Variants in PER2 observed in about 807,000 individuals in gnomAD.
PER2 encodes the protein period circadian protein homolog 2.
PER2 carries 66 observed loss-of-function variants against 121.0 expected under a neutral mutation model. That is an observed-to-expected ratio of 0.55 (90% CI 0.45 to 0.67). The LOEUF (loss-of-function observed/expected upper bound fraction) is 0.67. PER2 is among the 30% of genes least tolerant of loss of function. PER2 has a pLI of 0.00. For missense variants in PER2, 1,521 were observed against 1,635.0 expected, an observed-to-expected ratio of 0.93 and a Z score of 1.20; for synonymous variants, 684 against 659.9, an observed-to-expected ratio of 1.04 and a Z score of -0.56.
intron 14 of PER2, among the ~76,000 whole-genome samples, chr2:238,259,069 G>A (rs2106374311): frequency 6.6e-6 from 1 of 152,316 alleles, no homozygotes; most frequent in Admixed American, 6.5e-5. Context: ...TCACTGTGCT[G>A]CAGATTCGAC....
At chr2:238,293,199 A>G (rs1206195875), upstream of PER2, among the ~76,000 whole-genome samples, 1 of 152,114 alleles carries the variant, frequency 6.6e-6, no homozygotes, top group Non-Finnish European at 1.5e-5. Flanking sequence ...GCTATACAAT[A>G]CTCTGTATAG....
chr2:238,245,450 A>G lies in PER2; in HGVS notation c.*925T>C. ...GTGGCAGTGGCTGCTCTCGGCCAGG[A>G]GATGTGATGTGGGCTTGGCTGGGTG... On this transcript the variant is annotated 3_prime_UTR_variant, in exon 23 of 23. Transcript: ENST00000254657. 1 of 397,526 alleles carries G rather than the reference A, an allele frequency of 2.5e-6. No homozygotes were observed. The highest frequency in any genetic ancestry group is 4.4e-6 in the Non-Finnish European group (1 of 225,654). 24.6% of individuals were successfully genotyped at this position (397,526 alleles called of 1,614,324 possible). A position where few individuals can be genotyped will look rare whatever the true frequency, so the allele number is the denominator to read the frequency against.
intron 3 of PER2, among the ~76,000 whole-genome samples, chr2:238,276,123 T>C (rs1696447827): frequency 7.0e-6 from 1 of 142,408 alleles, no homozygotes; most frequent in Non-Finnish European, 1.5e-5. Context: ...GCTCTAGAGA[T>C]GTTCTGGTCT....
rs777914072 is a variant in PER2, at chr2:238,249,044, C to T, written c.3618+18G>A. ...AGCCTTTTAGGGCCATATCAGAAATCGAGTCCCGTGAGCTTACTGCCACGT... is the reference window on the plus strand; with the variant it reads ...AGCCTTTTAGGGCCATATCAGAAATTGAGTCCCGTGAGCTTACTGCCACGT... On this transcript the variant is annotated intron_variant, in intron 22 of 22. Transcript: ENST00000254657. 46 of 1,613,188 alleles carry T rather than the reference C, an allele frequency of 2.9e-5. No individual in the cohort carries two copies. Among genetic ancestry groups the T allele is most frequent in the Non-Finnish European group, 3.5e-5 (41 of 1,179,404 alleles).
chr2:238,264,370 G>A (rs1053197232), intron 9 of PER2, among the ~76,000 whole-genome samples: 3 of 152,230 alleles, frequency 2.0e-5, no homozygotes, highest in African/African-American at 7.2e-5. Flanking sequence ...GGACACACCT[G>A]AGCCACCTGG....
chr2:238,291,842 T>C (rs1696955909), upstream of PER2, among the ~76,000 whole-genome samples: 1 of 152,202 alleles, frequency 6.6e-6, no homozygotes, highest in Non-Finnish European at 1.5e-5. Context: ...TTGCCTCTAG[T>C]GACCCGAGGG....
upstream of PER2, chr2:238,289,573 T>C (rs761892904): frequency 3.3e-5 from 5 of 152,264 alleles, no homozygotes; most frequent in Non-Finnish European, 7.3e-5. Flanking sequence ...GAAAGGACTA[T>C]CTCATAAAAA....
chr2:238,265,904 ATT>A (rs759618918), intron 8 of PER2, among the ~76,000 whole-genome samples: 53 of 140,630 alleles, frequency 3.8e-4, no homozygotes, highest in African/African-American at 9.9e-4. Flanking sequence ...CATCTTTACG[ATT>A]TTTTTTTTTT....
upstream of PER2, among the ~76,000 whole-genome samples, chr2:238,294,150 G>A (rs997749280): frequency 2.0e-5 from 3 of 152,140 alleles, no homozygotes; most frequent in South Asian, 2.1e-4. Flanking sequence ...GTCTCTCATC[G>A]GTCAGGGTGT....
At chr2:238,263,917 C>T (rs946515511) in intron 9 of PER2, among the ~76,000 whole-genome samples, 1 of 151,624 alleles carries the variant, frequency 6.6e-6, no homozygotes, top group East Asian at 1.9e-4. Context: ...CCCATCAAGG[C>T]CTTGCTGAAG....
At chr2:238,264,011 G>C (rs7579255) in intron 9 of PER2, among the ~76,000 whole-genome samples, 9,144 of 151,766 alleles carry the variant, frequency 0.06, 968 homozygotes, top group African/African-American at 0.21. Flanking sequence ...GAGCAGAAAG[G>C]GGGTGGAGGG....
At chr2:238,269,653 T>G (rs1405399155) in intron 6 of PER2, among the ~76,000 whole-genome samples, 1 of 143,808 alleles carries the variant, frequency 7.0e-6, no homozygotes. Flanking sequence ...CCAACTAACC[T>G]ACAACTGAAC....
At chr2:238,291,522 C>T (rs372205425), upstream of PER2, among the ~76,000 whole-genome samples, 35 of 152,352 alleles carry the variant, frequency 2.3e-4, no homozygotes, top group African/African-American at 8.2e-4. Flanking sequence ...GGACAGGCGG[C>T]TAGGAAGAGA....
chr2:238,283,252 AG>A (rs1181382364), intron 1 of PER2, among the ~76,000 whole-genome samples: 1 of 152,210 alleles, frequency 6.6e-6, no homozygotes, highest in Non-Finnish European at 1.5e-5. Flanking sequence ...CTTTCTGAAG[AG>A]GTCCCAAGGG....
chr2:238,289,570 C>G (rs1696907165), upstream of PER2: 6 of 152,264 alleles, frequency 3.9e-5, no homozygotes, highest in Admixed American at 3.9e-4. Context: ...GGAGAAAGGA[C>G]TATCTCATAA....
chr2:238,288,123 G>A (rs1036443958), intron 1 of PER2, among the ~76,000 whole-genome samples: 5 of 152,112 alleles, frequency 3.3e-5, no homozygotes, highest in Non-Finnish European at 7.3e-5. Flanking sequence ...CTAGATCAGC[G>A]CCCCTCCATG....
In PER2 at chr2:238,246,303, T is replaced by A. The variant is rs10181662; in HGVS notation, c.*72A>T. 15,444 of 1,130,614 alleles carry A rather than the reference T, an allele frequency of 0.014. 1,534 individuals carry two copies. In the African/African-American group the frequency reaches 0.21, roughly 15 times the overall value. The allele number at this position is 1,130,614 out of a possible 1,614,324, so 70.0% of individuals were successfully genotyped here. ...GTGTCCATTTCAGTGGAAACAGCCATGAAGATCTTTCATCTCTTCCAAGCA... is the reference window on the plus strand; with the variant it reads ...GTGTCCATTTCAGTGGAAACAGCCAAGAAGATCTTTCATCTCTTCCAAGCA... On this transcript the variant is annotated 3_prime_UTR_variant, in exon 23 of 23. Transcript: ENST00000254657.
At chr2:238,287,678 T>C (rs1696828713) in intron 1 of PER2, among the ~76,000 whole-genome samples, 1 of 152,246 alleles carries the variant, frequency 6.6e-6, no homozygotes, top group African/African-American at 2.4e-5. Flanking sequence ...TTTGCTCATC[T>C]GTCAGGCTGA....
At chr2:238,292,811 C>G (rs1696970644), upstream of PER2, among the ~76,000 whole-genome samples, 1 of 150,866 alleles carries the variant, frequency 6.6e-6, no homozygotes, top group African/African-American at 2.4e-5. Flanking sequence ...GATCTCGGCT[C>G]ACTGCAACCT....
Sources: gnomAD v4.1 joint callset for allele counts (sites outside exome capture counted in the v4.1 genomes callset) on GRCh38, gnomAD v4.1.1 for gene constraint, MANE v1.5 for transcripts, NCBI Gene and HGNC (gene_info 2026-07-23, HGNC 2026-07-21) for gene names.